The following C5 variants were observed in gnomAD, a reference collection of about 807,000 sequenced individuals.
C5 encodes C3 and PZP-like alpha-2-macroglobulin domain-containing protein 4.
C5 carries 140 observed loss-of-function variants against 218.8 expected under a neutral mutation model. The observed-to-expected ratio is 0.64, with a 90% CI of 0.56 to 0.74. C5 has a LOEUF of 0.74. C5 is among the 30% of genes least tolerant of loss of function. The pLI, the probability that C5 is intolerant of heterozygous loss-of-function variation, is 0.00. For synonymous variants in C5, 614 were observed against 682.3 expected (o/e 0.90, Z 1.56); for missense variants, 1,700 against 1,969.6 (o/e 0.86, Z 2.59).
chr9:121,014,096 C>T, intron 16 of C5, 26 bp from the exon 17 acceptor site: 1 of 1,589,520 alleles, frequency 6.3e-7, no homozygotes, highest in Non-Finnish European at 8.6e-7. Context: ...TGCAAGTGCT[C>T]TTGATGACGC....
chr9:120,956,451 G>A (rs1024135068), intron 39 of C5, among the ~76,000 whole-genome samples: 1 of 152,130 alleles, frequency 6.6e-6, no homozygotes, highest in African/African-American at 2.4e-5. Flanking sequence ...AACATTCCAC[G>A]CTCATGGATA....
chr9:121,065,361 A>G, the C5 span, among the ~76,000 whole-genome samples: 1 of 152,258 alleles, frequency 6.6e-6, no homozygotes, highest in Non-Finnish European at 1.5e-5. Context: ...CTGGAAGGAT[A>G]TAAAAATAGT....
intron 8 of C5, among the ~76,000 whole-genome samples, chr9:121,026,803 G>A (rs574318261): frequency 1.1e-4 from 16 of 152,270 alleles, no homozygotes; most frequent in African/African-American, 3.8e-4. Context: ...CTTAAAGAAT[G>A]AGAAGGAATT....
chr9:120,975,931 C>A (rs2046950061), intron 29 of C5, among the ~76,000 whole-genome samples: 1 of 152,112 alleles, frequency 6.6e-6, no homozygotes. Context: ...AACTGAGAAA[C>A]ATGACTAGAT....
Position 121,020,075 on chromosome 9 carries a change from C to T in C5, c.1407G>A (p.Trp469Ter), listed in dbSNP as rs1408798589. 1.9e-6 allele frequency: 3 copies of T among 1,613,264 alleles called. No individual in the cohort carries two copies. The highest frequency in any genetic ancestry group is 3.3e-5 in the Admixed American group (2 of 59,996). The change falls in exon 12 of 41, where the codon TGG becomes TGA. Residue 469 changes from tryptophan (W) to a stop codon, truncating the protein, a stop_gained. Coordinates refer to ENST00000223642, the MANE Select transcript of C5 (RefSeq NM_001735.3). LOFTEE classifies it high-confidence loss of function. ...SLSQSYLYID[W>*]TDNHKALLVG... is the part of the protein sequence containing the mutation. The stretch of plus-strand genomic sequence containing the variant: ...CTAGCAAAGCCTTATGGTTATCAGT[C>T]CAATCAATATAAAGGTAACTTTGGC...
At chr9:120,988,026 C>T (rs2047047259) in intron 25 of C5, among the ~76,000 whole-genome samples, 1 of 152,182 alleles carries the variant, frequency 6.6e-6, no homozygotes, top group East Asian at 1.9e-4. Flanking sequence ...CTCTTGACCT[C>T]ATGATCCGCC....
At chr9:120,957,871 T>A (rs751875053) in intron 38 of C5, among the ~76,000 whole-genome samples, 1 of 152,206 alleles carries the variant, frequency 6.6e-6, no homozygotes, top group Non-Finnish European at 1.5e-5. Context: ...GTTTTCTCAC[T>A]CACCCTTGCT....
In C5 at chr9:120,952,865, G is replaced by A; in HGVS notation, c.4905C>T (p.Tyr1635=). The change falls in exon 41 of 41, where the codon TAC becomes TAT. Residue 1635 remains tyrosine (Y), a synonymous_variant. Transcript: ENST00000223642. ...AGGTCAAGGAATCTAAAGGGTAGAT[G>A]TACCTACCAAGAAACAAAGTGTTTG... ...LQIKYNFSFR[Y]IYPLDSLTWI... The A allele has an allele frequency of 1.9e-6, 3 of 1,613,520 alleles. No homozygotes were observed. The highest frequency in any genetic ancestry group is 1.7e-4 in the Middle Eastern group (1 of 5,974).
intron 22 of C5, among the ~76,000 whole-genome samples, chr9:120,993,594 T>A: frequency 6.6e-6 from 1 of 152,102 alleles, no homozygotes; most frequent in East Asian, 1.9e-4. Context: ...GGCTAATTTT[T>A]TGTATTTTTA....
chr9:121,059,769 C>T, the C5 span, among the ~76,000 whole-genome samples: 1 of 152,220 alleles, frequency 6.6e-6, no homozygotes, highest in East Asian at 1.9e-4. The surrounding 1 kb of genome is among the most constrained non-coding windows in gnomAD (Gnocchi z 4.1). Flanking sequence ...CTAGGGGAAG[C>T]CCCCATGTAG....
At position 120,960,332 on chromosome 9, in the gene C5, A is replaced by G. The variant is rs1330119620; in HGVS notation, c.4594T>C (p.Cys1532Arg). The G allele has an allele frequency of 6.2e-7, 1 of 1,611,208 alleles. No homozygotes were observed. Among genetic ancestry groups the G allele is most frequent in the Non-Finnish European group, 8.5e-7 (1 of 1,177,946 alleles). Residue 1532 changes from cysteine (C) to arginine (R), a missense_variant, in exon 38 of 41, where the codon TGT becomes CGT. Physicochemically the swap from Cys to Arg is radical, Grantham distance 180 (BLOSUM62 -3). Transcript: ENST00000223642. ...GAACKCVEAD[C>R]GQMQEELDLT... ...TCCAATTCTTCCTGCATTTGCCCAC[A>G]ATCAGCTGGATTTTGTGAAAATTGG...
chr9:121,044,836 A>G (rs1363045340), intron 2 of C5, among the ~76,000 whole-genome samples: 2 of 152,188 alleles, frequency 1.3e-5, no homozygotes, highest in African/African-American at 4.8e-5. Context: ...TGCTAGTGCA[A>G]CTGAGATACT....
intron 19 of C5, among the ~76,000 whole-genome samples, 195 bp downstream of exon 19, chr9:121,006,709 G>A (rs995712276): frequency 2.0e-5 from 3 of 152,048 alleles, no homozygotes; most frequent in Non-Finnish European, 4.4e-5. Context: ...AAAAAAAAGA[G>A]AGGAGTGAAA....
chr9:120,982,747 T>C lies in C5; in HGVS notation c.3298A>G (p.Ile1100Val), dbSNP rs763218551. ...ACTAGCCACAATAAAGAATTACAAA[T>C]TGAATTTTGGTTCTGCTCTACGTAT... is the stretch of plus-strand genomic sequence containing the variant. ...NKYVEQNQNS[I>V]CNSLLWLVEN... Residue 1100 changes from isoleucine to valine, a missense_variant, in exon 26 of 41, where the codon ATT becomes GTT. Coordinates refer to ENST00000223642, the MANE Select transcript of C5 (RefSeq NM_001735.3). The C allele has an allele frequency of 6.2e-7, 1 of 1,606,744 alleles. No individual in the cohort carries two copies. Among genetic ancestry groups the C allele is most frequent in the South Asian group, 1.1e-5 (1 of 90,804 alleles).
rs1427707843 is a variant in C5 at position 121,016,318 on chromosome 9, A to G, written c.1932T>C (p.Asn644=). The change falls in exon 15 of 41, where the codon AAT becomes AAC. Residue 644 remains asparagine, a synonymous_variant. Coordinates refer to ENST00000223642, the MANE Select transcript of C5 (RefSeq NM_001735.3). ...CGAGGGLNNA[N]VFHLAGLTFL... Reference sequence around the variant, plus strand: ...AGGTAAGTCCAGCTAGGTGGAACACATTGGCATTGTTGAGGCCACCACCTG... The same window carrying G: ...AGGTAAGTCCAGCTAGGTGGAACACGTTGGCATTGTTGAGGCCACCACCTG... The G allele has an allele frequency of 5.0e-6, 8 of 1,613,984 alleles. No individual in the cohort carries two copies. Among genetic ancestry groups the G allele is most frequent in the Non-Finnish European group, 6.8e-6 (8 of 1,179,960 alleles).
chr9:121,051,728 A>G (rs1006118842), upstream of C5, among the ~76,000 whole-genome samples: 1 of 152,206 alleles, frequency 6.6e-6, no homozygotes, highest in Non-Finnish European at 1.5e-5. Context: ...TTTGATATAC[A>G]AATTTCACTA....
chr9:120,989,161 C>T (rs910683436), intron 24 of C5, 40 bp from the exon 25 acceptor site: 1 of 1,488,724 alleles, frequency 6.7e-7, no homozygotes, highest in African/African-American at 1.4e-5. Flanking sequence ...CTTAACAGAC[C>T]TCCGTTTCTA....
intron 20 of C5, 32 bp from the exon 21 acceptor site, chr9:120,997,806 A>G (rs376508696): frequency 1.6e-4 from 253 of 1,561,040 alleles, no homozygotes; most frequent in Middle Eastern, 1.1e-3. Context: ...ATATCAAAAT[A>G]CATTTTTTTT....
At chr9:120,990,230 G>GACA (rs2047067374) in intron 23 of C5, among the ~76,000 whole-genome samples, 2 of 152,180 alleles carry the variant, frequency 1.3e-5, no homozygotes, top group Non-Finnish European at 1.5e-5. Flanking sequence ...TGATCAAAAA[G>GACA]ATCCTTTCCA....
Sources: allele counts gnomAD v4.1 joint callset (sites outside exome capture counted in the v4.1 genomes callset), GRCh38; gene constraint gnomAD v4.1.1; non-coding constraint Gnocchi (gnomAD v3.1); transcripts MANE v1.5; gene names NCBI Gene and HGNC (gene_info 2026-07-23, HGNC 2026-07-21).